Variants in ADGRL2 observed in about 807,000 individuals in gnomAD.
ADGRL2 encodes the protein calcium-independent alpha-latrotoxin receptor 2.
Under a neutral mutation model 157.4 loss-of-function variants are expected in ADGRL2, and 44 were observed. The observed-to-expected ratio is 0.28, with a 90% CI of 0.22 to 0.36. The LOEUF (loss-of-function observed/expected upper bound fraction) is 0.36. Among genes scored for constraint, ADGRL2 ranks in the 10% least tolerant of loss-of-function variants. The pLI is 1.00. For missense variants in ADGRL2, 1,510 were observed against 1,768.9 expected (o/e 0.85, Z 2.63); for synonymous variants, 585 against 624.7 (o/e 0.94, Z 0.95).
chr1:81,598,727 G>A (rs528400865), intron 3 of ADGRL2, among the ~76,000 whole-genome samples: 64 of 152,276 alleles, frequency 4.2e-4, no homozygotes, highest in African/African-American at 1.3e-3. Flanking sequence ...GTATGTTATC[G>A]CTAAACAGCC....
At chr1:81,692,153 T>C (rs2083354792) in intron 3 of ADGRL2, among the ~76,000 whole-genome samples, 1 of 151,986 alleles carries the variant, frequency 6.6e-6, no homozygotes, top group Admixed American at 6.6e-5. Context: ...ACGCCTGTAA[T>C]CCTAGCACTT....
rs776813714 is a variant in ADGRL2, at chr1:81,952,006, A to G, written c.1658A>G (p.His553Arg). The change falls in exon 9 of 24, where the codon CAT (histidine) becomes CGT (arginine). Residue 553 changes from histidine (H) to arginine (R), a missense_variant. Physicochemically the swap from His to Arg is conservative, Grantham distance 29. Around this residue, in one of 4 missense-constraint regions of ADGRL2, gnomAD observed 325 missense variants for 333.2 expected, o/e 0.98. Coordinates refer to ENST00000686636, the MANE Select transcript of ADGRL2 (RefSeq NM_001366006.2). ...AGTCTTGCCAATGAACTGGCTAAAC[A>G]TACCAAAGGGCCAGTGTTTGCTGGG... is the stretch of plus-strand genomic sequence containing the variant. ...AASLANELAK[H>R]TKGPVFAGDV... The G allele has an allele frequency of 2.5e-6, 4 of 1,613,558 alleles. No homozygotes were observed. The highest frequency in any genetic ancestry group is 3.4e-6 in the Non-Finnish European group (4 of 1,179,660).
intron 3 of ADGRL2, among the ~76,000 whole-genome samples, chr1:81,647,740 G>C (rs182476050): frequency 2.6e-5 from 4 of 152,260 alleles, no homozygotes; most frequent in Admixed American, 2.6e-4. Context: ...CTATTGGTGG[G>C]TAATGTACCA....
At chr1:81,487,091 CAAAAAAAAAAA>C (rs146122539) in intron 2 of ADGRL2, among the ~76,000 whole-genome samples, 2 of 85,282 alleles carry the variant, frequency 2.3e-5, no homozygotes, top group Admixed American at 2.9e-4. Flanking sequence ...CTCATCTCTA[CAAAAAAAAAAA>C]AAAAAAAGAA....
At chr1:81,746,916 G>A (rs1048149763) in intron 1 of ADGRL2, among the ~76,000 whole-genome samples, 11 of 126,508 alleles carry the variant, frequency 8.7e-5, no homozygotes, top group East Asian at 2.2e-4. Context: ...ACGTGCACAC[G>A]TATATACGTA....
At chr1:81,561,141 C>T (rs972744797) in intron 2 of ADGRL2, among the ~76,000 whole-genome samples, 25 of 152,124 alleles carry the variant, frequency 1.6e-4, no homozygotes, top group Admixed American at 1.1e-3. Flanking sequence ...AACATCCTTA[C>T]GCTGCTCTAC....
intron 2 of ADGRL2, among the ~76,000 whole-genome samples, chr1:81,863,746 T>C (rs1163801030): frequency 1.3e-5 from 2 of 152,194 alleles, no homozygotes; most frequent in South Asian, 2.1e-4. Flanking sequence ...GCATGTTTTC[T>C]CACAAAGATA....
chr1:81,869,560 A>G (rs984448006), intron 2 of ADGRL2, among the ~76,000 whole-genome samples: 9 of 152,116 alleles, frequency 5.9e-5, no homozygotes, highest in African/African-American at 2.2e-4. Context: ...TAAAAACATC[A>G]TGATAGGAAA....
rs1661507787 is a variant in ADGRL2, at chr1:81,980,993, T to C, written c.3114-815T>C. On this transcript the variant is annotated intron_variant, in intron 18 of 23. Transcript: ENST00000686636. Reference sequence around the variant, plus strand: ...ACTATAATATGCCTTTATTTTTTAATTGCTTGCCTCTGCATTTTGACTTTC... The same window carrying C: ...ACTATAATATGCCTTTATTTTTTAACTGCTTGCCTCTGCATTTTGACTTTC... 4 of 430,234 alleles carry C rather than the reference T, an allele frequency of 9.3e-6. No homozygotes were observed. The East Asian group carries it at 1.4e-4, about 15-fold the overall frequency. 26.7% of individuals were successfully genotyped at this position (430,234 alleles called of 1,614,324 possible).
intron 2 of ADGRL2, among the ~76,000 whole-genome samples, chr1:81,783,653 T>A (rs1052523377): frequency 7.2e-5 from 11 of 152,162 alleles, no homozygotes; most frequent in African/African-American, 2.7e-4. Flanking sequence ...CTAGCATATG[T>A]ACGATGATAG....
rs143386817 is a variant in ADGRL2 at position 81,686,923 on chromosome 1, C to T, written c.-142-74888C>T. On this transcript the variant is annotated intron_variant, in intron 3 of 24. Transcript: ENST00000370721. ...CATTCAGGAGCAGGTTATTTAATTT[C>T]CATGCATTTGTGTGGTTTCGAAGGT... 1.5e-3 allele frequency among the ~76,000 whole-genome samples: 223 copies of T among 152,248 alleles called. 1 individual carries two copies. The highest frequency in any genetic ancestry group is 5.1e-3 in the African/African-American group (213 of 41,550).
chr1:81,760,842 T>G (rs967877294), intron 1 of ADGRL2, among the ~76,000 whole-genome samples: 32 of 151,864 alleles, frequency 2.1e-4, no homozygotes, highest in African/African-American at 7.5e-4. Flanking sequence ...CATTAAGAGC[T>G]TGCATTAAAA....
Position 81,503,017 on chromosome 1 carries a change from A to G in ADGRL2, c.-248+57928A>G, listed in dbSNP as rs893680548. The G allele has an allele frequency of 2.5e-6, 4 of 1,612,876 alleles. No individual in the cohort carries two copies. In the African/African-American group the frequency reaches 5.3e-5, roughly 22 times the overall value. Reference sequence around the variant, plus strand: ...TCTGGCTGTGCCCGTGACCTTGGCAAGCCAGCAGGCTGGTACTCGGACCGC... The same window carrying G: ...TCTGGCTGTGCCCGTGACCTTGGCAGGCCAGCAGGCTGGTACTCGGACCGC... On this transcript the variant is annotated intron_variant, in intron 2 of 24. Coordinates refer to the ADGRL2 transcript ENST00000370721.
At chr1:81,942,339 T>C (rs1648344114) in intron 5 of ADGRL2, among the ~76,000 whole-genome samples, 1 of 151,880 alleles carries the variant, frequency 6.6e-6, no homozygotes, top group South Asian at 2.1e-4. Context: ...AAGTGTCATC[T>C]TGCCTGGCTT....
At chr1:81,702,187 C>G (rs1292846270) in intron 1 of ADGRL2, among the ~76,000 whole-genome samples, 2 of 152,142 alleles carry the variant, frequency 1.3e-5, no homozygotes. Flanking sequence ...AGTCATTTCT[C>G]AAGGAAAAAG....
intron 1 of ADGRL2, among the ~76,000 whole-genome samples, chr1:81,816,248 CAA>C (rs1276501650): frequency 1.3e-5 from 2 of 151,634 alleles, no homozygotes; most frequent in African/African-American, 2.4e-5. Flanking sequence ...TTATTTTATT[CAA>C]GTCAGTTTTT....
At chr1:81,664,023 C>T (rs557154098) in intron 3 of ADGRL2, among the ~76,000 whole-genome samples, 29 of 152,128 alleles carry the variant, frequency 1.9e-4, no homozygotes, top group Non-Finnish European at 4.0e-4. Flanking sequence ...CTGCTGCCCT[C>T]TGGTATTACT....
chr1:81,581,539 A>G (rs2080907164), intron 3 of ADGRL2, among the ~76,000 whole-genome samples: 1 of 152,154 alleles, frequency 6.6e-6, no homozygotes, highest in Non-Finnish European at 1.5e-5. Context: ...TATGTGTTAG[A>G]TTTGATTTGA....
chr1:81,626,521 C>A (rs574490747), intron 3 of ADGRL2, among the ~76,000 whole-genome samples: 1 of 152,228 alleles, frequency 6.6e-6, no homozygotes, highest in African/African-American at 2.4e-5. Flanking sequence ...TAATCTGCCC[C>A]CCTCGGCTTC....
Sources: gnomAD v4.1 joint callset for allele counts (sites outside exome capture counted in the v4.1 genomes callset) on GRCh38, gnomAD v4.1.1 for gene constraint, gnomAD v4.1.1 regional missense constraint, MANE v1.5 for transcripts, NCBI Gene and HGNC (gene_info 2026-07-23, HGNC 2026-07-21) for gene names.